ASXL1: variants seen among roughly 807,000 people sequenced by gnomAD.
The protein encoded by ASXL1 is ASXL transcriptional regulator 1.
Under a neutral mutation model 89.1 loss-of-function variants are expected in ASXL1, and 65 were observed. The observed-to-expected ratio is 0.73, with a 90% confidence interval of 0.60 to 0.90. The LOEUF (loss-of-function observed/expected upper bound fraction) is 0.90. Ranked by LOEUF, ASXL1 falls within the 40% of genes least tolerant of loss-of-function variation. ASXL1 has a pLI of 0.00. For synonymous variants in ASXL1, 739 were observed against 746.9 expected (o/e 0.99, Z 0.17); for missense variants, 1,786 against 1,942.9 (o/e 0.92, Z 1.52).
At chr20:32,359,023 CT>C in intron 1 of ASXL1, 191 bp downstream of exon 1, 36 of 643,180 alleles carry the variant, frequency 5.6e-5, no homozygotes, top group South Asian at 8.0e-5. Flanking sequence ...GATGTGGCGC[CT>C]TTTTCCGCTC....
chr20:32,372,119 C>T (rs557659733), intron 4 of ASXL1: 14 of 1,343,056 alleles, frequency 1.0e-5, no homozygotes, highest in Non-Finnish European at 1.3e-5. Flanking sequence ...ATAGTACGTG[C>T]TTTATGTGTG....
intron 4 of ASXL1, among the ~76,000 whole-genome samples, chr20:32,402,147 CTG>C (rs902776242): frequency 1.3e-5 from 2 of 152,228 alleles, no homozygotes; most frequent in African/African-American, 4.8e-5. Flanking sequence ...TGTATTAACA[CTG>C]TTTCTTTTTA....
chr20:32,426,103 G>A (rs1225980108), intron 4 of ASXL1, among the ~76,000 whole-genome samples: 1 of 151,494 alleles, frequency 6.6e-6, no homozygotes, highest in Admixed American at 6.6e-5. Context: ...TTGATGAATA[G>A]GAGGTCTTAA....
At chr20:32,387,372 T>C (rs1017601186) in intron 4 of ASXL1, among the ~76,000 whole-genome samples, 3 of 152,222 alleles carry the variant, frequency 2.0e-5, no homozygotes, top group Admixed American at 6.5e-5. Context: ...TTCTTTCACA[T>C]CATAGCCTTA....
Position 32,434,494 on chromosome 20 carries a change from C to T in ASXL1, c.1782C>T (p.Cys594=), listed in dbSNP as rs755974145. ...AAGGTCAGCCCACTTACCAGATATG[C>T]CCCCGGATCATCCCCACCACGGAGT... ...VVKGQPTYQI[C]PRIIPTTESS... The change falls in exon 13 of 13, where the codon TGC becomes TGT. Residue 594 remains cysteine (C), a synonymous_variant. Coordinates refer to ENST00000375687, the MANE Select transcript of ASXL1 (RefSeq NM_015338.6). The T allele has an allele frequency of 1.2e-6, 2 of 1,614,088 alleles. No individual in the cohort carries two copies. The highest frequency in any genetic ancestry group is 1.1e-5 in the South Asian group (1 of 91,082).
chr20:32,372,091 CT>C (rs1186824234), intron 4 of ASXL1: 13 of 1,338,642 alleles, frequency 9.7e-6, no homozygotes, highest in Non-Finnish European at 1.3e-5. Context: ...TAATTTGGCT[CT>C]GGGCAGAATT....
chr20:32,367,238 T>A (rs1381268216), intron 2 of ASXL1, among the ~76,000 whole-genome samples: 1 of 152,136 alleles, frequency 6.6e-6, no homozygotes, highest in East Asian at 1.9e-4. Context: ...TTAGCCGGCA[T>A]GGTGACGCAT....
At chr20:32,365,080 G>C (rs962246283) in intron 1 of ASXL1, among the ~76,000 whole-genome samples, 4 of 152,224 alleles carry the variant, frequency 2.6e-5, no homozygotes, top group Admixed American at 1.3e-4. Context: ...GTCTGGAGAA[G>C]AGGTGAATTA....
chr20:32,363,561 G>A (rs576553703), intron 1 of ASXL1, among the ~76,000 whole-genome samples: 2 of 152,310 alleles, frequency 1.3e-5, no homozygotes, highest in East Asian at 3.9e-4. Flanking sequence ...CCCAGTTGCT[G>A]CCTCTTGTCT....
chr20:32,375,213 C>T (rs556779962), intron 4 of ASXL1, among the ~76,000 whole-genome samples: 3 of 152,208 alleles, frequency 2.0e-5, no homozygotes, highest in Admixed American at 2.0e-4. Flanking sequence ...CGCCTGTAAT[C>T]CCAGCAGTTT....
chr20:32,424,464 G>A (rs1041939604), intron 4 of ASXL1, among the ~76,000 whole-genome samples: 1 of 152,148 alleles, frequency 6.6e-6, no homozygotes, highest in Non-Finnish European at 1.5e-5. Context: ...GAACCCAGGA[G>A]GAGGAGGTTG....
Position 32,358,697 on chromosome 20 carries a change from GCC to G in ASXL1, c.-76_-75del. On this transcript the variant is annotated 5_prime_UTR_variant, in exon 1 of 13. Transcript: ENST00000375687. Reference sequence around the variant, plus strand: ...ACGCGCCCCCCCCACCGCCGCCGCCGCCCCAGCCCCGCGCCACCGCCCCAGCC... The same window carrying G: ...ACGCGCCCCCCCCACCGCCGCCGCCGCCAGCCCCGCGCCACCGCCCCAGCC... 1 of 722,106 alleles carries G rather than the reference GCC, an allele frequency of 1.4e-6. No homozygotes were observed. The highest frequency in any genetic ancestry group is 1.8e-6 in the Non-Finnish European group (1 of 558,430). The allele number at this position is 722,106 out of a possible 1,614,324, so 44.7% of individuals were successfully genotyped here. A position where few individuals can be genotyped will look rare whatever the true frequency, so the allele number is the denominator to read the frequency against.
At chr20:32,406,504 T>C (rs551996403) in intron 4 of ASXL1, among the ~76,000 whole-genome samples, 4 of 152,270 alleles carry the variant, frequency 2.6e-5, no homozygotes, top group Admixed American at 6.5e-5. Flanking sequence ...CGAGCCGAGA[T>C]TGCACCACTG....
intron 8 of ASXL1, 108 bp from the exon 9 acceptor site, chr20:32,431,213 A>AG (rs1410963394): frequency 7.7e-6 from 10 of 1,303,310 alleles, no homozygotes; most frequent in Non-Finnish European, 1.1e-5. Context: ...GATTGTGTGC[A>AG]GATAACTCCT....
intron 1 of ASXL1, among the ~76,000 whole-genome samples, chr20:32,362,495 G>A (rs1246961835): frequency 1.3e-5 from 2 of 151,950 alleles, no homozygotes; most frequent in Admixed American, 1.3e-4. Context: ...AATTAGCCAG[G>A]CGTGGTGGCG....
At chr20:32,359,738 G>A (rs768513788) in intron 1 of ASXL1, 6 of 718,032 alleles carry the variant, frequency 8.4e-6, no homozygotes, top group South Asian at 5.9e-5. Context: ...AAGCCGTCTC[G>A]TTCAACCGAT....
chr20:32,367,407 GA>G (rs1301373330), intron 2 of ASXL1, among the ~76,000 whole-genome samples: 1 of 152,076 alleles, frequency 6.6e-6, no homozygotes, highest in African/African-American at 2.4e-5. Flanking sequence ...AAAAAACAAA[GA>G]AAGTACTTAA....
At chr20:32,426,205 A>G (rs1476775822) in intron 4 of ASXL1, among the ~76,000 whole-genome samples, 1 of 152,110 alleles carries the variant, frequency 6.6e-6, no homozygotes, top group African/African-American at 2.4e-5. Context: ...TAAAAGATAC[A>G]TATATATTTT....
Position 32,435,666 on chromosome 20 carries a change from TC to T in ASXL1, c.2955del (p.Asn986ThrfsTer7). The T allele has an allele frequency of 6.2e-7, 1 of 1,614,036 alleles. No individual in the cohort carries two copies. The highest frequency in any genetic ancestry group is 8.5e-7 in the Non-Finnish European group (1 of 1,180,014). ...CQQVDIEKLK[I>X]NGDSEALSPH... The stretch of plus-strand genomic sequence containing the variant: ...CAGGTGGACATTGAAAAGCTGAAAA[TC>T]AACGGAGACTCTGAAGCACTGAGTC... On this transcript the variant is annotated frameshift_variant, in exon 13 of 13. Coordinates refer to ENST00000375687, the MANE Select transcript of ASXL1 (RefSeq NM_015338.6). LOFTEE classifies it low-confidence loss of function (END_TRUNC).
Sources: gnomAD v4.1 joint callset for allele counts (sites outside exome capture counted in the v4.1 genomes callset) on GRCh38, gnomAD v4.1.1 for gene constraint, MANE v1.5 for transcripts, NCBI Gene and HGNC (gene_info 2026-07-23, HGNC 2026-07-21) for gene names.